Variants in MARCHF3 observed in about 807,000 individuals in gnomAD.
MARCHF3 encodes the protein E3 ubiquitin-protein ligase MARCHF3.
Under a neutral mutation model 24.2 loss-of-function variants are expected in MARCHF3, and 13 were observed. That is an observed-to-expected ratio of 0.54 (90% confidence interval 0.35 to 0.85). The LOEUF (loss-of-function observed/expected upper bound fraction) is 0.85, where lower values mean the gene tolerates loss of function less well. Ranked by LOEUF, MARCHF3 falls within the 40% of genes least tolerant of loss-of-function variation. The pLI is 0.01. For missense variants in MARCHF3, 276 were observed against 325.0 expected (o/e 0.85, Z 1.16); for synonymous variants, 144 against 137.3 (o/e 1.05, Z -0.34).
chr5:126,964,355 T>G (rs1750736360), intron 1 of MARCHF3, among the ~76,000 whole-genome samples: 1 of 152,214 alleles, frequency 6.6e-6, no homozygotes, highest in Non-Finnish European at 1.5e-5. Context: ...ACACATTACA[T>G]TTCTTAATTA....
chr5:126,939,111 T>C (rs991214495), intron 1 of MARCHF3, among the ~76,000 whole-genome samples: 1 of 152,202 alleles, frequency 6.6e-6, no homozygotes, highest in Admixed American at 6.5e-5. Context: ...CATGTACAGA[T>C]TCCTGTTAGC....
chr5:126,911,448 A>T (rs1457541703), intron 3 of MARCHF3, among the ~76,000 whole-genome samples: 1 of 152,184 alleles, frequency 6.6e-6, no homozygotes, highest in Non-Finnish European at 1.5e-5. Flanking sequence ...CTTAGGGAAA[A>T]TAGAAAAGAA....
At chr5:126,910,126 A>T (rs1479703695) in intron 3 of MARCHF3, among the ~76,000 whole-genome samples, 1 of 152,220 alleles carries the variant, frequency 6.6e-6, no homozygotes, top group Non-Finnish European at 1.5e-5. Context: ...AGAGGAAAAA[A>T]TCAGATCCTA....
chr5:127,008,564 A>C (rs1447460074), intron 1 of MARCHF3, among the ~76,000 whole-genome samples: 1 of 152,248 alleles, frequency 6.6e-6, no homozygotes, highest in Admixed American at 6.5e-5. Flanking sequence ...CGATGGGGTC[A>C]TGTGTTTTCA....
At chr5:126,931,877 A>G (rs1749490014) in intron 1 of MARCHF3, among the ~76,000 whole-genome samples, 1 of 151,768 alleles carries the variant, frequency 6.6e-6, no homozygotes, top group Admixed American at 6.6e-5. Flanking sequence ...CTATTTGGTG[A>G]TAATAATAAT....
chr5:126,914,882 C>T, intron 3 of MARCHF3, 48 bp downstream of exon 3: 1 of 1,589,904 alleles, frequency 6.3e-7, no homozygotes. Flanking sequence ...AAACAGACAT[C>T]ATTTGCTCAT....
intron 1 of MARCHF3, among the ~76,000 whole-genome samples, chr5:126,953,201 T>C (rs946409514): frequency 2.6e-5 from 4 of 152,228 alleles, no homozygotes; most frequent in Non-Finnish European, 5.9e-5. Context: ...AAAAACAGCA[T>C]ATTATTTCAC....
At chr5:126,926,238 C>A (rs1254646498) in intron 1 of MARCHF3, among the ~76,000 whole-genome samples, 1 of 152,176 alleles carries the variant, frequency 6.6e-6, no homozygotes, top group Non-Finnish European at 1.5e-5. Flanking sequence ...TTCCTTGGAA[C>A]TTTCCTCTTC....
chr5:126,977,525 G>C (rs1195257506), intron 1 of MARCHF3, among the ~76,000 whole-genome samples: 1 of 152,078 alleles, frequency 6.6e-6, no homozygotes, highest in Admixed American at 6.5e-5. Context: ...CATAAAAATG[G>C]GGTTTTATGG....
intron 1 of MARCHF3, among the ~76,000 whole-genome samples, chr5:126,948,470 A>G (rs1477783931): frequency 1.3e-5 from 2 of 152,182 alleles, no homozygotes; most frequent in Non-Finnish European, 1.5e-5. Context: ...GAAACACACA[A>G]AGGTACAGGG....
intron 1 of MARCHF3, among the ~76,000 whole-genome samples, chr5:127,021,719 CAACACAACTTAATTAGGTAGAT>C (rs1298433507): frequency 1.1e-4 from 16 of 152,064 alleles, no homozygotes; most frequent in African/African-American, 3.9e-4. Flanking sequence ...AGGTTAGAAA[CAACACAACTTAATTAGGTAGAT>C]CACCCAAAAC....
At chr5:126,988,584 A>T (rs1173080154) in intron 1 of MARCHF3, among the ~76,000 whole-genome samples, 1 of 152,254 alleles carries the variant, frequency 6.6e-6, no homozygotes. Flanking sequence ...GAGAGTCAAG[A>T]TTTAACTACA....
At position 126,869,240 on chromosome 5, in the gene MARCHF3, T is replaced by C. The variant is rs972027408; in HGVS notation, c.*1393A>G. ...AGATGCTGGAGTGATACTCAGAATGTGGGTCATGTTCTAGAATTCCATATT... is the reference window on the plus strand; with the variant it reads ...AGATGCTGGAGTGATACTCAGAATGCGGGTCATGTTCTAGAATTCCATATT... On this transcript the variant is annotated 3_prime_UTR_variant, in exon 5 of 5. Coordinates refer to ENST00000308660, the MANE Select transcript of MARCHF3 (RefSeq NM_178450.5). 2 of 152,206 alleles carry C rather than the reference T, an allele frequency of 1.3e-5. No individual in the cohort carries two copies. The highest frequency in any genetic ancestry group is 4.8e-5 in the African/African-American group (2 of 41,448). The allele number at this position is 152,206 out of a possible 1,614,324, so 9.4% of individuals were successfully genotyped here. A position where few individuals can be genotyped will look rare whatever the true frequency, so the allele number is the denominator to read the frequency against.
chr5:126,894,075 G>A (rs1420152469), intron 3 of MARCHF3, among the ~76,000 whole-genome samples: 4 of 141,648 alleles, frequency 2.8e-5, no homozygotes, highest in Non-Finnish European at 6.0e-5. Context: ...GATCTTTGTT[G>A]GTTTAAAGTC....
intron 3 of MARCHF3, among the ~76,000 whole-genome samples, chr5:126,899,592 T>G (rs760966212): frequency 6.6e-6 from 1 of 152,106 alleles, no homozygotes; most frequent in African/African-American, 2.4e-5. Flanking sequence ...AGAAAGGCTA[T>G]GTAAAGTCAC....
intron 1 of MARCHF3, among the ~76,000 whole-genome samples, chr5:126,964,484 A>G (rs1265171048): frequency 6.6e-6 from 1 of 152,052 alleles, no homozygotes; most frequent in Non-Finnish European, 1.5e-5. Context: ...GTGCAAATTT[A>G]CAAAATGGTC....
At chr5:127,005,682 C>T (rs55780389) in intron 1 of MARCHF3, among the ~76,000 whole-genome samples, 4,737 of 151,990 alleles carry the variant, frequency 0.031, 234 homozygotes, top group African/African-American at 0.1. Flanking sequence ...CTGTTCCCTG[C>T]CCCAAAAAGT....
Position 127,023,941 on chromosome 5 carries a change from A to T in MARCHF3, c.-57+6409T>A, listed in dbSNP as rs371374456. On this transcript the variant is annotated intron_variant, in intron 1 of 4. Coordinates refer to ENST00000308660, the MANE Select transcript of MARCHF3 (RefSeq NM_178450.5). ...GTCACCTGCATTGGATGACAAAAGG[A>T]ACCAAGCCATTTTCAACTTCAAATG... 6.6e-5 allele frequency among the ~76,000 whole-genome samples: 10 copies of T among 152,290 alleles called. No homozygotes were observed. In the East Asian group the frequency reaches 7.7e-4, roughly 12 times the overall value.
chr5:126,892,978 G>T (rs1753748970), intron 3 of MARCHF3, among the ~76,000 whole-genome samples: 1 of 151,738 alleles, frequency 6.6e-6, no homozygotes. Flanking sequence ...CCTGTTATTG[G>T]TCTATTCAGA....
Sources: allele counts gnomAD v4.1 joint callset (sites outside exome capture counted in the v4.1 genomes callset), GRCh38; gene constraint gnomAD v4.1.1; transcripts MANE v1.5; gene names NCBI Gene and HGNC (gene_info 2026-07-23, HGNC 2026-07-21).